The following LPA variants were observed in gnomAD, a reference collection of about 807,000 sequenced individuals.
LPA encodes the protein lipoprotein(a).
In LPA, 199 loss-of-function variants were observed where a neutral mutation model predicts 197.9. That is an observed-to-expected ratio of 1.01 (90% CI 0.90 to 1.13). The LOEUF is 1.13. Ranked by LOEUF, LPA falls within the 50% of genes most tolerant of loss-of-function variation. LPA has a pLI of 0.00. For missense variants in LPA, 1,853 were observed against 1,785.8 expected (o/e 1.04, Z -0.68); for synonymous variants, 715 against 639.5 (o/e 1.12, Z -1.78).
rs1562354839 is a variant in LPA at position 160,654,027 on chromosome 6, AAT to A, written c.50-3532_50-3531del. 1.7e-3 allele frequency among the ~76,000 whole-genome samples: 11 copies of A among 6,564 alleles called. 2 individuals carry two copies. The East Asian group carries it at 0.042, about 25-fold the overall frequency. The allele number at this position is 6,564 out of a possible 152,430, so 4.3% of individuals were successfully genotyped here. The stretch of plus-strand genomic sequence containing the variant: ...ATAATATATATTATATATAATATAT[AAT>A]ATATATTATATATAATATATAATAT... On this transcript the variant is annotated intron_variant, in intron 1 of 38. Transcript: ENST00000316300.
At chr6:160,555,795 T>C (rs1375795293) in intron 30 of LPA, among the ~76,000 whole-genome samples, 2 of 152,080 alleles carry the variant, frequency 1.3e-5, no homozygotes, top group Non-Finnish European at 2.9e-5. Flanking sequence ...TAAAAAGACC[T>C]CATCAGCTCC....
chr6:160,589,401 C>A (rs1778980112), intron 24 of LPA, 152 bp downstream of exon 24: 4 of 878,446 alleles, frequency 4.6e-6, no homozygotes, highest in African/African-American at 1.7e-5. Flanking sequence ...TCCTCTCAGA[C>A]CCTGTGCCCA....
rs781099520 is a variant in LPA at position 160,600,931 on chromosome 6, G to T, written c.3113C>A (p.Ala1038Asp). The change falls in exon 19 of 39, where the codon GCT becomes GAT. Residue 1038 changes from alanine to aspartate, a missense_variant. Ala to Asp is a moderately radical substitution (Grantham distance 126). Transcript: ENST00000316300. ...CAACTTCTTACCTTGTTCAAAAAAA[G>T]CCTCTAGGCTTGGAGCCAGAATAAC... Reference protein sequence around the residue: ...PNVILAPSLEAFFEQALTEET... With the variant: ...PNVILAPSLEDFFEQALTEET... The T allele has an allele frequency of 3.1e-5, 50 of 1,612,592 alleles. No individual in the cohort carries two copies. Among genetic ancestry groups the T allele is most frequent in the Non-Finnish European group, 4.1e-5 (48 of 1,179,952 alleles).
At position 160,538,023 on chromosome 6, in the gene LPA, C is replaced by A. The variant is rs984566604; in HGVS notation, c.5736-62G>T. The A allele has an allele frequency of 2.8e-6, 4 of 1,413,128 alleles. No individual in the cohort carries two copies. The African/African-American group carries it at 4.2e-5, about 15-fold the overall frequency. The allele number at this position is 1,413,128 out of a possible 1,614,324, so 87.5% of individuals were successfully genotyped here. A position where few individuals can be genotyped will look rare whatever the true frequency, so the allele number is the denominator to read the frequency against. On this transcript the variant is annotated intron_variant, in intron 36 of 38. Coordinates refer to ENST00000316300, the MANE Select transcript of LPA (RefSeq NM_005577.4). ...CAGCTGGAAGTGGCAGTACCTACAA[C>A]CAGGCATCCCTGCCTTGAAGCCCCA...
chr6:160,594,133 G>T lies in LPA; in HGVS notation c.3470-16C>A, dbSNP rs779233612. On this transcript the variant is annotated splice_polypyrimidine_tract_variant and intron_variant, in intron 21 of 38. Coordinates refer to ENST00000316300, the MANE Select transcript of LPA (RefSeq NM_005577.4). ...TCCGTTGGTGCTGAAATTCAAAGAG[G>T]AGAAATCAAGCTGAGTAATTTCTAG... 5 of 1,613,544 alleles carry T rather than the reference G, an allele frequency of 3.1e-6. No homozygotes were observed. In the African/African-American group the frequency reaches 5.3e-5, roughly 17 times the overall value.
chr6:160,567,748 C>T (rs191553748), intron 28 of LPA, among the ~76,000 whole-genome samples: 6 of 152,012 alleles, frequency 3.9e-5, no homozygotes, highest in Non-Finnish European at 7.4e-5. Flanking sequence ...AGACCACTAG[C>T]AAGACTAATA....
At chr6:160,654,072 TAA>T (rs1352760644) in intron 1 of LPA, among the ~76,000 whole-genome samples, 2 of 51,632 alleles carry the variant, frequency 3.9e-5, no homozygotes, top group African/African-American at 1.6e-4. Context: ...ATATTATATA[TAA>T]TATATATTAT....
chr6:160,611,610 G>A lies in LPA; in HGVS notation c.2555C>T (p.Ser852Phe), dbSNP rs1582886476. Residue 852 changes from serine (S) to phenylalanine (F), a missense_variant, in exon 16 of 39, where the codon TCT becomes TTT. By Grantham distance (155) the Ser-to-Phe change is radical (BLOSUM62 -2). Coordinates refer to ENST00000316300, the MANE Select transcript of LPA (RefSeq NM_005577.4). ...VTGRTCQAWS[S>F]MTPHSHSRTP... The stretch of plus-strand genomic sequence containing the variant: ...CCGACTATGCGAGTGTGGTGTCATA[G>A]ATGACCAAGCTTGGCAGGTTCTTCC... The A allele has an allele frequency of 6.2e-7, 1 of 1,600,246 alleles. No homozygotes were observed. Among genetic ancestry groups the A allele is most frequent in the Non-Finnish European group, 8.5e-7 (1 of 1,177,470 alleles).
intron 20 of LPA, among the ~76,000 whole-genome samples, chr6:160,598,126 C>T (rs747309170): frequency 5.1e-4 from 77 of 152,266 alleles, no homozygotes; most frequent in Admixed American, 3.9e-4. Flanking sequence ...GTCAAAACTC[C>T]AATATTCCAG....
intron 30 of LPA, among the ~76,000 whole-genome samples, chr6:160,551,915 T>C (rs1326973013): frequency 1.3e-5 from 1 of 75,416 alleles, no homozygotes; most frequent in Non-Finnish European, 3.6e-5. Flanking sequence ...CACATATCCT[T>C]TTTTTTTTTT....
At chr6:160,532,499 C>T in intron 38 of LPA, 32 bp downstream of exon 38, 1 of 1,507,518 alleles carries the variant, frequency 6.6e-7, no homozygotes, top group Non-Finnish European at 9.2e-7. Flanking sequence ...GACGGGAGAG[C>T]ACAAGACTTT....
chr6:160,606,563 A>T lies in LPA; in HGVS notation c.2699T>A (p.Leu900Gln). The T allele has an allele frequency of 6.2e-7, 1 of 1,613,886 alleles. No homozygotes were observed. Among genetic ancestry groups the T allele is most frequent in the Non-Finnish European group, 8.5e-7 (1 of 1,179,984 alleles). Residue 900 changes from leucine (L) to glutamine (Q), a missense_variant, in exon 17 of 39, where the codon CTG (leucine) becomes CAG (glutamine). Physicochemically the swap from Leu to Gln is moderately radical, Grantham distance 113. Transcript: ENST00000316300. ...CCCTTCTGCGTCTGAGCATTGTGTC[A>T]GGTTGCAGTACTCCCACCTGACACT... The part of the protein sequence containing the change: ...DPSVRWEYCN[L>Q]TQCSDAEGTA...
At chr6:160,534,488 G>A (rs1007535182) in intron 37 of LPA, among the ~76,000 whole-genome samples, 7 of 152,188 alleles carry the variant, frequency 4.6e-5, no homozygotes, top group Non-Finnish European at 8.8e-5. Context: ...CACGGGATCA[G>A]CCCAGTGATT....
chr6:160,658,715 C>T (rs943400895), intron 1 of LPA, among the ~76,000 whole-genome samples: 15 of 152,068 alleles, frequency 9.9e-5, no homozygotes, highest in African/African-American at 3.6e-4. Flanking sequence ...AAGTAGAGTC[C>T]TTAGCATTTT....
chr6:160,655,325 G>T (rs1780114032), intron 1 of LPA, among the ~76,000 whole-genome samples: 1 of 152,214 alleles, frequency 6.6e-6, no homozygotes, highest in Non-Finnish European at 1.5e-5. Flanking sequence ...ATGGGGGCCT[G>T]CCAAAGGCTC....
chr6:160,605,757 A>T (rs1432541828), intron 17 of LPA, among the ~76,000 whole-genome samples: 1 of 152,196 alleles, frequency 6.6e-6, no homozygotes, highest in Non-Finnish European at 1.5e-5. Flanking sequence ...CACTTCAGTT[A>T]TCAGGGATGG....
At chr6:160,657,262 A>C (rs1780148570) in intron 1 of LPA, among the ~76,000 whole-genome samples, 1 of 152,156 alleles carries the variant, frequency 6.6e-6, no homozygotes, top group Non-Finnish European at 1.5e-5. Flanking sequence ...TAAAGTGACT[A>C]ATCCACTCCA....
intron 19 of LPA, 62 bp from the exon 20 acceptor site, chr6:160,599,721 C>T: frequency 1.3e-6 from 2 of 1,583,114 alleles, no homozygotes; most frequent in Non-Finnish European, 1.7e-6. Flanking sequence ...TACAGGAAGC[C>T]ATTTATGACA....
At chr6:160,547,562 C>T (rs956024698) in intron 32 of LPA, among the ~76,000 whole-genome samples, 12 of 152,038 alleles carry the variant, frequency 7.9e-5, no homozygotes, top group South Asian at 4.1e-4. Flanking sequence ...GCACTAGAAA[C>T]GAGAAACAGC....
Sources: allele counts gnomAD v4.1 joint callset (sites outside exome capture counted in the v4.1 genomes callset), GRCh38; gene constraint gnomAD v4.1.1; transcripts MANE v1.5; gene names NCBI Gene and HGNC (gene_info 2026-07-23, HGNC 2026-07-21).